FRY: variants seen among roughly 807,000 people sequenced by gnomAD.
The protein encoded by FRY is FRY microtubule binding protein.
A neutral mutation model predicts 348.4 loss-of-function variants in FRY; 128 were observed. The ratio of observed to expected loss-of-function variants is 0.37; its 90% CI spans 0.32 to 0.43. The LOEUF is 0.43. FRY is among the 20% of genes least tolerant of loss of function. FRY has a pLI of 1.00. For synonymous variants in FRY, 1,370 were observed against 1,374.7 expected, an observed-to-expected ratio of 1.00 and a Z score of 0.08; for missense variants, 2,736 against 3,695.2, an observed-to-expected ratio of 0.74 and a Z score of 6.73.
intron 8 of FRY, among the ~76,000 whole-genome samples, chr13:32,133,074 G>T (rs900965693): frequency 1.3e-5 from 2 of 152,174 alleles, no homozygotes; most frequent in African/African-American, 4.8e-5. Context: ...CTGCTGAGGG[G>T]TAGAGTTTCC....
At chr13:32,207,026 T>A (rs972125624) in intron 31 of FRY, among the ~76,000 whole-genome samples, 1 of 152,182 alleles carries the variant, frequency 6.6e-6, no homozygotes, top group Non-Finnish European at 1.5e-5. Context: ...AAAAGGGAAC[T>A]ACCCTTGACT....
chr13:32,228,438 A>G lies in FRY; in HGVS notation c.5207-18A>G, dbSNP rs1298867040. The G allele has an allele frequency of 6.3e-7, 1 of 1,599,630 alleles. No individual in the cohort carries two copies. Among genetic ancestry groups the G allele is most frequent in the East Asian group, 2.2e-5 (1 of 44,822 alleles). The stretch of plus-strand genomic sequence containing the variant: ...ACACTGCCTAGTACATCCCTCCTTG[A>G]CCTTCTTCTCCCACCAGGTGGCTTT... On this transcript the variant is annotated intron_variant, in intron 39 of 60. Coordinates refer to ENST00000542859, the MANE Select transcript of FRY (RefSeq NM_023037.3).
At chr13:32,226,431 A>T (rs1045598458) in intron 39 of FRY, among the ~76,000 whole-genome samples, 2 of 152,226 alleles carry the variant, frequency 1.3e-5, no homozygotes, top group Non-Finnish European at 2.9e-5. Flanking sequence ...TTCCTTGAAG[A>T]CACCATTAGT....
chr13:32,222,296 AG>A (rs1194031046), intron 36 of FRY, among the ~76,000 whole-genome samples: 1 of 152,082 alleles, frequency 6.6e-6, no homozygotes, highest in Non-Finnish European at 1.5e-5. Flanking sequence ...AAGCCAGGAG[AG>A]GAACATGGAG....
chr13:32,095,435 C>T (rs900088319), intron 2 of FRY, among the ~76,000 whole-genome samples: 6 of 146,230 alleles, frequency 4.1e-5, no homozygotes, highest in African/African-American at 1.5e-4. Flanking sequence ...GCAACCTCTG[C>T]CTCCTGGGTT....
chr13:32,228,099 C>T (rs1175702784), intron 39 of FRY, among the ~76,000 whole-genome samples: 1 of 152,198 alleles, frequency 6.6e-6, no homozygotes, highest in Admixed American at 6.5e-5. Context: ...TTATTAAGAG[C>T]ACAGTTAGTA....
In FRY at chr13:32,157,324, G is replaced by T. The variant is rs975284443; in HGVS notation, c.1703G>T (p.Arg568Met). 6.2e-7 allele frequency: 1 copy of T among 1,612,430 alleles called. No homozygotes were observed. Among genetic ancestry groups the T allele is most frequent in the African/African-American group, 1.3e-5 (1 of 74,898 alleles). The change falls in exon 16 of 61, where the codon AGG becomes ATG. Residue 568 changes from arginine to methionine, a missense_variant. Arg to Met is a moderately conservative substitution (Grantham distance 91). Coordinates refer to ENST00000542859, the MANE Select transcript of FRY (RefSeq NM_023037.3). ...QVRKAVDNIL[R>M]HLDKEVGRCM... Reference sequence around the variant, plus strand: ...CGAAAAGCTGTAGACAACATTTTAAGGCACCTTGATAAAGAAGTAGGAAGG... The same window carrying T: ...CGAAAAGCTGTAGACAACATTTTAATGCACCTTGATAAAGAAGTAGGAAGG...
At chr13:32,206,523 C>T (rs1258936347) in intron 31 of FRY, among the ~76,000 whole-genome samples, 1 of 152,080 alleles carries the variant, frequency 6.6e-6, no homozygotes, top group South Asian at 2.1e-4. Context: ...GGCTGGCCCT[C>T]CAGTGGGGTG....
chr13:32,090,010 A>C (rs1435874835), intron 2 of FRY, among the ~76,000 whole-genome samples: 1 of 152,066 alleles, frequency 6.6e-6, no homozygotes, highest in Non-Finnish European at 1.5e-5. Flanking sequence ...AAAGACAGGA[A>C]GTGTAGACCA....
chr13:32,067,131 G>A (rs1053860346), intron 1 of FRY, among the ~76,000 whole-genome samples: 11 of 152,158 alleles, frequency 7.2e-5, no homozygotes, highest in African/African-American at 2.7e-4. Context: ...ACAGGAGGAG[G>A]GGGTAAGAAG....
chr13:32,241,311 AG>A (rs1426385730), intron 46 of FRY, among the ~76,000 whole-genome samples: 1 of 152,248 alleles, frequency 6.6e-6, no homozygotes, highest in Non-Finnish European at 1.5e-5. Context: ...TATATATACA[AG>A]GGAGTATTAT....
At chr13:32,102,468 C>T (rs9567163) in intron 3 of FRY, among the ~76,000 whole-genome samples, 7,633 of 152,204 alleles carry the variant, frequency 0.05, 286 homozygotes, top group East Asian at 0.24. Context: ...ACTGGTGATA[C>T]AAAATCTAAG....
chr13:32,223,655 A>AC (rs1885432076), intron 36 of FRY, among the ~76,000 whole-genome samples: 1 of 152,166 alleles, frequency 6.6e-6, no homozygotes, highest in Non-Finnish European at 1.5e-5. Flanking sequence ...CTGTGGTGGC[A>AC]CATGCCTATA....
In FRY at chr13:32,243,966, A is replaced by G. The variant is rs184707811; in HGVS notation, c.6688-76A>G. On this transcript the variant is annotated intron_variant, in intron 46 of 60. Coordinates refer to ENST00000542859, the MANE Select transcript of FRY (RefSeq NM_023037.3). Reference sequence around the variant, plus strand: ...ATAAAAAGGAAATGTGCAATCCTAAATGTGTTGGAAAACACGGGTCCTTCC... The same window carrying G: ...ATAAAAAGGAAATGTGCAATCCTAAGTGTGTTGGAAAACACGGGTCCTTCC... 5.4e-6 allele frequency: 8 copies of G among 1,483,128 alleles called. No homozygotes were observed. In the African/African-American group the frequency reaches 8.3e-5, roughly 15 times the overall value. The allele number at this position is 1,483,128 out of a possible 1,614,324, so 91.9% of individuals were successfully genotyped here.
chr13:32,292,258 C>G (rs2138656876), intron 59 of FRY, among the ~76,000 whole-genome samples: 1 of 151,698 alleles, frequency 6.6e-6, no homozygotes, highest in East Asian at 2.0e-4. Flanking sequence ...GCTGGGATTA[C>G]AGGCATGAAC....
intron 47 of FRY, among the ~76,000 whole-genome samples, chr13:32,245,832 A>G (rs1260154878): frequency 1.3e-5 from 2 of 152,130 alleles, no homozygotes; most frequent in Non-Finnish European, 1.5e-5. Context: ...TCTGGAATGT[A>G]CTTTGTAACT....
intron 2 of FRY, among the ~76,000 whole-genome samples, chr13:32,095,623 G>T (rs1015556345): frequency 6.6e-6 from 1 of 152,044 alleles, no homozygotes; most frequent in Non-Finnish European, 1.5e-5. Context: ...GATTATAGGC[G>T]TGAGCCACCC....
chr13:32,215,498 G>A (rs1884938727), intron 35 of FRY, among the ~76,000 whole-genome samples: 1 of 152,088 alleles, frequency 6.6e-6, no homozygotes, highest in African/African-American at 2.4e-5. Flanking sequence ...ATTTTACTAG[G>A]CATCAAAATC....
chr13:32,121,178 G>A (rs1878627001), intron 4 of FRY, among the ~76,000 whole-genome samples: 1 of 152,120 alleles, frequency 6.6e-6, no homozygotes, highest in Non-Finnish European at 1.5e-5. Flanking sequence ...TTGATTGATG[G>A]GCGTTTAGGT....
Sources: allele counts gnomAD v4.1 joint callset (sites outside exome capture counted in the v4.1 genomes callset), GRCh38; gene constraint gnomAD v4.1.1; transcripts MANE v1.5; gene names NCBI Gene and HGNC (gene_info 2026-07-23, HGNC 2026-07-21).